The following TRAF3IP2 variants were observed in gnomAD, a reference collection of about 807,000 sequenced individuals.
The protein encoded by TRAF3IP2 is TRAF3 interacting protein 2.
Under a neutral mutation model 57.9 loss-of-function variants are expected in TRAF3IP2, and 35 were observed. The observed-to-expected ratio is 0.60, with a 90% CI of 0.46 to 0.80. The LOEUF (loss-of-function observed/expected upper bound fraction) is 0.80. Ranked by LOEUF, TRAF3IP2 falls within the 30% of genes least tolerant of loss-of-function variation. The pLI is 0.00. For synonymous variants in TRAF3IP2, 251 were observed against 268.9 expected (o/e 0.93, Z 0.65); for missense variants, 556 against 706.4 (o/e 0.79, Z 2.41).
rs1186977017 is a variant in TRAF3IP2, at chr6:111,591,580, G to A, written c.507C>T (p.Asp169=). The A allele has an allele frequency of 2.5e-6, 4 of 1,614,250 alleles. No individual in the cohort carries two copies. Among genetic ancestry groups the A allele is most frequent in the Non-Finnish European group, 3.4e-6 (4 of 1,180,040 alleles). ...SDQSLPNASA[D]SLGGSQEMVQ... ...CCATCTCCTGGCTACCGCCCAAGGA[G>A]TCTGCTGAGGCATTAGGTAAACTTT... Residue 169 remains aspartate (D), a synonymous_variant, in exon 2 of 9, where the codon GAC becomes GAT. Coordinates refer to ENST00000368761, the MANE Select transcript of TRAF3IP2 (RefSeq NM_147686.4). The surrounding 1 kb of genome is among the most constrained non-coding windows in gnomAD (Gnocchi z 4.9).
intron 5 of TRAF3IP2, among the ~76,000 whole-genome samples, chr6:111,571,337 C>T (rs1046326943): frequency 6.6e-5 from 10 of 152,086 alleles, no homozygotes; most frequent in Non-Finnish European, 1.3e-4. Flanking sequence ...CTCAGCCTTA[C>T]AGAGTGCTGG....
At chr6:111,563,557 AT>A (rs1215709442) in intron 7 of TRAF3IP2, among the ~76,000 whole-genome samples, 1 of 152,200 alleles carries the variant, frequency 6.6e-6, no homozygotes, top group Non-Finnish European at 1.5e-5. Context: ...AGTATTAACA[AT>A]TGCTCTAGAA....
At chr6:111,595,951 A>G (rs924848048) in intron 1 of TRAF3IP2, among the ~76,000 whole-genome samples, 1 of 152,130 alleles carries the variant, frequency 6.6e-6, no homozygotes, top group African/African-American at 2.4e-5. Flanking sequence ...ACTAAGTAAC[A>G]TGCAGAAAAC....
intron 6 of TRAF3IP2, chr6:111,567,187 G>A: frequency 1.0e-6 from 1 of 1,003,628 alleles, no homozygotes; most frequent in Middle Eastern, 5.1e-4. Context: ...TGTCAGTGGA[G>A]AACAAATCAC....
intron 3 of TRAF3IP2, among the ~76,000 whole-genome samples, chr6:111,579,190 G>A (rs1403724930): frequency 2.0e-5 from 3 of 151,090 alleles, no homozygotes; most frequent in South Asian, 2.1e-4. Flanking sequence ...TTAGCTAGAC[G>A]TGATGGCGCG....
At position 111,557,641 on chromosome 6, in the gene TRAF3IP2, A is replaced by C. The variant is rs1795290966; in HGVS notation, c.*1764T>G. On this transcript the variant is annotated 3_prime_UTR_variant, in exon 9 of 9. Coordinates refer to ENST00000368761, the MANE Select transcript of TRAF3IP2 (RefSeq NM_147686.4). ...GAGATGGAGTTTCACCGTGTTAGCC[A>C]GGATGGTCTTGATCTCCTGACCTCA... 6.6e-6 allele frequency: 1 copy of C among 151,516 alleles called. No individual in the cohort carries two copies. The highest frequency in any genetic ancestry group is 1.5e-5 in the Non-Finnish European group (1 of 67,912). The allele number at this position is 151,516 out of a possible 1,614,324, so 9.4% of individuals were successfully genotyped here. A position where few individuals can be genotyped will look rare whatever the true frequency, so the allele number is the denominator to read the frequency against.
At chr6:111,580,631 T>A (rs1440313034) in intron 2 of TRAF3IP2, among the ~76,000 whole-genome samples, 1 of 152,238 alleles carries the variant, frequency 6.6e-6, no homozygotes. Context: ...GTATTCCAGC[T>A]GGAGAGCTCA....
intron 6 of TRAF3IP2, 148 bp downstream of exon 6, chr6:111,567,476 T>C: frequency 7.6e-7 from 1 of 1,318,656 alleles, no homozygotes; most frequent in Non-Finnish European, 9.8e-7. Flanking sequence ...TCCAAGTCTT[T>C]GCACGGCTTC....
Position 111,591,678 on chromosome 6 carries a change from G to T in TRAF3IP2, c.409C>A (p.Arg137Ser). The T allele has an allele frequency of 1.2e-6, 2 of 1,614,178 alleles. No homozygotes were observed. The highest frequency in any genetic ancestry group is 8.5e-7 in the Non-Finnish European group (1 of 1,180,032). Residue 137 changes from arginine to serine, a missense_variant, in exon 2 of 9, where the codon CGT (arginine) becomes AGT (serine). Arg to Ser is a moderately radical substitution (Grantham distance 110, BLOSUM62 -1). Coordinates refer to ENST00000368761, the MANE Select transcript of TRAF3IP2 (RefSeq NM_147686.4). This position sits in a 1 kb window ranked among gnomAD's most constrained non-coding sequence, Gnocchi z 4.9. ...AGCTGAGATACCAGCCATTGATTAC[G>T]TTTTTCCATAAATGAAAACTGATGC... ...AEHQFSFMEK[R>S]NQWLVSQLSA...
Position 111,580,320 on chromosome 6 carries a change from G to A in TRAF3IP2, c.899C>T (p.Pro300Leu). The change falls in exon 3 of 9, where the codon CCT (proline) becomes CTT (leucine). Residue 300 changes from proline (P) to leucine (L), a missense_variant. By Grantham distance (98) the Pro-to-Leu change is moderately conservative (BLOSUM62 -3). Coordinates refer to ENST00000368761, the MANE Select transcript of TRAF3IP2 (RefSeq NM_147686.4). ...GTGCAGGCCTCTCACACTGGCTCCA[G>A]GCAGGGGCTGCCCAGGCAGAGCCGG... Reference protein sequence around the residue: ...IQPALPGQPLPGASVRGLHPV... With the variant: ...IQPALPGQPLLGASVRGLHPV... The A allele has an allele frequency of 6.2e-7, 1 of 1,607,290 alleles. No individual in the cohort carries two copies. Among genetic ancestry groups the A allele is most frequent in the Non-Finnish European group, 8.5e-7 (1 of 1,178,076 alleles).
At chr6:111,579,031 A>G (rs1334550041) in intron 3 of TRAF3IP2, among the ~76,000 whole-genome samples, 5 of 151,942 alleles carry the variant, frequency 3.3e-5, no homozygotes, top group South Asian at 2.1e-4. Flanking sequence ...AGAATAAGGG[A>G]AAAAAAATGA....
At chr6:111,564,657 T>G (rs1355654078) in intron 7 of TRAF3IP2, among the ~76,000 whole-genome samples, 2 of 152,184 alleles carry the variant, frequency 1.3e-5, no homozygotes, top group Admixed American at 1.3e-4. Context: ...GTGTCTGACC[T>G]CTTCGACCCC....
At chr6:111,597,076 C>A (rs1796715129) in intron 1 of TRAF3IP2, among the ~76,000 whole-genome samples, 1 of 152,204 alleles carries the variant, frequency 6.6e-6, no homozygotes, top group African/African-American at 2.4e-5. Flanking sequence ...ATGTTGTCAA[C>A]AACAATGTTG....
intron 1 of TRAF3IP2, among the ~76,000 whole-genome samples, chr6:111,596,413 C>T (rs984641361): frequency 6.6e-6 from 1 of 152,278 alleles, no homozygotes; most frequent in African/African-American, 2.4e-5. Context: ...CCACCTCAGT[C>T]TCCCAAGTAG....
chr6:111,561,115 G>A (rs1012584963), intron 8 of TRAF3IP2, among the ~76,000 whole-genome samples: 1 of 151,782 alleles, frequency 6.6e-6, no homozygotes, highest in African/African-American at 2.4e-5. Context: ...CTGGGAGGTG[G>A]AGGTTGCAGT....
chr6:111,573,851 A>T (rs537413125), intron 4 of TRAF3IP2: 83 of 152,354 alleles, frequency 5.4e-4, no homozygotes, highest in African/African-American at 1.9e-3. Flanking sequence ...GGGGCAGAAG[A>T]TGGAGAAGAA....
At chr6:111,575,852 CA>C in intron 3 of TRAF3IP2, 31 bp from the exon 4 acceptor site, 1 of 1,597,800 alleles carries the variant, frequency 6.3e-7, no homozygotes, top group African/African-American at 1.4e-5. Flanking sequence ...AGTCAATTTT[CA>C]TTCTTTACAA....
intron 5 of TRAF3IP2, 26 bp from the exon 6 acceptor site, chr6:111,567,718 G>A: frequency 6.3e-7 from 1 of 1,582,150 alleles, no homozygotes; most frequent in Non-Finnish European, 8.6e-7. Context: ...TGTGGGAGTT[G>A]GCCCTTAATG....
At chr6:111,585,320 C>T (rs1432957936) in intron 2 of TRAF3IP2, among the ~76,000 whole-genome samples, 2 of 129,678 alleles carry the variant, frequency 1.5e-5, no homozygotes, top group Non-Finnish European at 3.4e-5. Flanking sequence ...CCCTTCTTTG[C>T]TTCCCTCCCA....
Sources: allele counts gnomAD v4.1 joint callset (sites outside exome capture counted in the v4.1 genomes callset), GRCh38; gene constraint gnomAD v4.1.1; non-coding constraint Gnocchi (gnomAD v3.1); transcripts MANE v1.5; gene names NCBI Gene and HGNC (gene_info 2026-07-23, HGNC 2026-07-21).